Variants in R3HDM2 observed in about 807,000 individuals in gnomAD.
R3HDM2 encodes the protein R3H domain containing 2.
R3HDM2 carries 38 observed loss-of-function variants against 124.5 expected under a neutral mutation model. That is an observed-to-expected ratio of 0.31 (90% CI 0.24 to 0.40). The LOEUF (loss-of-function observed/expected upper bound fraction) is 0.40, where lower values mean the gene tolerates loss of function less well. Ranked by LOEUF, R3HDM2 falls within the 10% of genes least tolerant of loss-of-function variation. R3HDM2 has a pLI of 1.00. For missense variants in R3HDM2, 869 were observed against 1,236.9 expected (o/e 0.70, Z 4.46); for synonymous variants, 391 against 448.0 (o/e 0.87, Z 1.61).
At chr12:57,307,306 G>GTT (rs770961900) in intron 3 of R3HDM2, among the ~76,000 whole-genome samples, 266 of 133,464 alleles carry the variant, frequency 2.0e-3, no homozygotes, top group Middle Eastern at 0.011. Context: ...GAAATGCTGG[G>GTT]TTTTTTTGTT....
chr12:57,313,448 C>T (rs1047956508), intron 2 of R3HDM2, among the ~76,000 whole-genome samples: 10 of 151,936 alleles, frequency 6.6e-5, no homozygotes, highest in Non-Finnish European at 5.9e-5. Context: ...CTTGTAGTCT[C>T]AGCTACTCAA....
chr12:57,408,919 A>G (rs189273414), intron 1 of R3HDM2, among the ~76,000 whole-genome samples: 337 of 151,812 alleles, frequency 2.2e-3, no homozygotes, highest in Middle Eastern at 6.8e-3. Flanking sequence ...TTTAAAGCCT[A>G]GTTCAATTTC....
chr12:57,417,918 T>C (rs902581682), intron 1 of R3HDM2, among the ~76,000 whole-genome samples: 14 of 152,282 alleles, frequency 9.2e-5, no homozygotes, highest in African/African-American at 3.4e-4. Flanking sequence ...AAAATTCTGG[T>C]ATTTCCTGGG....
chr12:57,260,588 C>T (rs950415883), intron 19 of R3HDM2, among the ~76,000 whole-genome samples: 2 of 152,098 alleles, frequency 1.3e-5, no homozygotes, highest in Admixed American at 6.5e-5. Context: ...TCTGCTTCCC[C>T]GCAAGGGATT....
chr12:57,389,667 G>A (rs1285726537), intron 2 of R3HDM2, among the ~76,000 whole-genome samples: 2 of 152,172 alleles, frequency 1.3e-5, no homozygotes, highest in Non-Finnish European at 2.9e-5. Flanking sequence ...TGGAAAGGCT[G>A]CTTTAATTGG....
chr12:57,360,006 A>AATAAATAAAT (rs1403496780), intron 2 of R3HDM2, among the ~76,000 whole-genome samples: 2 of 117,690 alleles, frequency 1.7e-5, no homozygotes, highest in African/African-American at 6.1e-5. Flanking sequence ...TAAATAAATA[A>AATAAATAAAT]ATATATATAT....
At chr12:57,398,541 T>G (rs1432712747) in intron 1 of R3HDM2, among the ~76,000 whole-genome samples, 1 of 151,648 alleles carries the variant, frequency 6.6e-6, no homozygotes, top group Non-Finnish European at 1.5e-5. Context: ...CAGGCTGGAG[T>G]GCAGTGGCGT....
At chr12:57,396,129 C>T (rs2067460425) in intron 1 of R3HDM2, among the ~76,000 whole-genome samples, 1 of 152,154 alleles carries the variant, frequency 6.6e-6, no homozygotes, top group African/African-American at 2.4e-5. Flanking sequence ...TTCTTCAGCT[C>T]TTTTTTACTC....
Position 57,294,786 on chromosome 12 carries a change from TC to T in R3HDM2, c.810+612del. ...CATTTAAAGGGATGGGATAGGCTGT[TC>T]CCTTCTTATTCCCACAGCAGTGGAT... On this transcript the variant is annotated intron_variant, in intron 10 of 23. Coordinates refer to ENST00000402412, the MANE Select transcript of R3HDM2 (RefSeq NM_001394031.1). 2.6e-5 allele frequency among the ~76,000 whole-genome samples: 4 copies of T among 152,332 alleles called. No homozygotes were observed. The East Asian group carries it at 7.7e-4, about 29-fold the overall frequency.
chr12:57,420,033 C>G (rs1473209863), intron 1 of R3HDM2, among the ~76,000 whole-genome samples: 1 of 152,112 alleles, frequency 6.6e-6, no homozygotes, highest in Non-Finnish European at 1.5e-5. Context: ...CTCTCAAATT[C>G]CTTTGTTTAG....
In R3HDM2 at chr12:57,296,774, C is replaced by A; in HGVS notation, c.561-223G>T. The A allele has an allele frequency of 2.1e-6, 1 of 479,026 alleles. No homozygotes were observed. 29.7% of individuals were successfully genotyped at this position (479,026 alleles called of 1,614,324 possible). On this transcript the variant is annotated intron_variant, in intron 8 of 23. Transcript: ENST00000402412. The surrounding 1 kb of genome is among the most constrained non-coding windows in gnomAD (Gnocchi z 4.5). ...CTATGACCTACTTTCCTCATTAAGACTACTCATTGCTGGGTGCAGTGGCTC... is the reference window on the plus strand; with the variant it reads ...CTATGACCTACTTTCCTCATTAAGAATACTCATTGCTGGGTGCAGTGGCTC...
intron 1 of R3HDM2, among the ~76,000 whole-genome samples, chr12:57,398,253 G>A (rs1244598579): frequency 6.6e-6 from 1 of 151,604 alleles, no homozygotes; most frequent in African/African-American, 2.4e-5. Flanking sequence ...TACCTTGTTC[G>A]TATCTGTACC....
intron 14 of R3HDM2, among the ~76,000 whole-genome samples, chr12:57,279,932 C>G (rs1045101669): frequency 6.6e-6 from 1 of 152,072 alleles, no homozygotes; most frequent in East Asian, 1.9e-4. Context: ...TCCGCAAACC[C>G]CAACACATAA....
intron 1 of R3HDM2, among the ~76,000 whole-genome samples, chr12:57,401,457 A>C (rs2068044158): frequency 6.6e-6 from 1 of 152,214 alleles, no homozygotes; most frequent in South Asian, 2.1e-4. Context: ...CCCCTAGCTA[A>C]CGTGCCAACT....
At chr12:57,365,706 C>T (rs1172720061) in intron 2 of R3HDM2, among the ~76,000 whole-genome samples, 2 of 152,186 alleles carry the variant, frequency 1.3e-5, no homozygotes, top group Non-Finnish European at 2.9e-5. Flanking sequence ...GAAGCTGAGG[C>T]AGATGGATCA....
At chr12:57,379,028 G>A (rs1324756026) in intron 2 of R3HDM2, among the ~76,000 whole-genome samples, 8 of 152,252 alleles carry the variant, frequency 5.3e-5, no homozygotes, top group East Asian at 1.9e-4. Context: ...CATAGAAGAC[G>A]GAAAGTAGAA....
chr12:57,274,025 T>C (rs2044155527), intron 14 of R3HDM2, among the ~76,000 whole-genome samples: 1 of 152,196 alleles, frequency 6.6e-6, no homozygotes, highest in South Asian at 2.1e-4. Context: ...TGTCAGACAA[T>C]GGCATTCCAA....
At chr12:57,355,164 GA>G (rs2061118785) in intron 2 of R3HDM2, among the ~76,000 whole-genome samples, 1 of 151,516 alleles carries the variant, frequency 6.6e-6, no homozygotes, top group African/African-American at 2.4e-5. Context: ...AATTGTTTAA[GA>G]AACACTTCTT....
rs201757339 is a variant in R3HDM2 at position 57,428,625 on chromosome 12, A to ACCCT, written c.-106+2091_-106+2094dup. The stretch of plus-strand genomic sequence containing the variant: ...AGCCGAGATTGCACCACTGCGCTCC[A>ACCCT]CCCTGGGTGACATAGCGAGAAAGAA... On this transcript the variant is annotated intron_variant, in intron 1 of 23. Transcript: ENST00000402412. Among the ~76,000 whole-genome samples the ACCCT allele has an allele frequency of 8.2e-3, 1,252 of 152,230 alleles. 15 individuals carry two copies. Among genetic ancestry groups the ACCCT allele is most frequent in the African/African-American group, 0.028 (1,168 of 41,534 alleles).
Sources: gnomAD v4.1 joint callset for allele counts (sites outside exome capture counted in the v4.1 genomes callset) on GRCh38, gnomAD v4.1.1 for gene constraint, Gnocchi (gnomAD v3.1) non-coding constraint, MANE v1.5 for transcripts, NCBI Gene and HGNC (gene_info 2026-07-23, HGNC 2026-07-21) for gene names.